The following EMC3 variants were observed in gnomAD, a reference collection of about 807,000 sequenced individuals.
EMC3 encodes the protein ER membrane protein complex subunit 3.
A neutral mutation model predicts 36.6 loss-of-function variants in EMC3; 13 were observed. That is an observed-to-expected ratio of 0.35 (90% CI 0.23 to 0.56). The LOEUF is 0.56. Ranked by LOEUF, EMC3 falls within the 20% of genes least tolerant of loss-of-function variation. EMC3 has a pLI of 0.84. For synonymous variants in EMC3, 120 were observed against 111.9 expected (o/e 1.07, Z -0.46); for missense variants, 220 against 324.5 (o/e 0.68, Z 2.47).
chr3:10,002,576 G>A (rs934410234), intron 1 of EMC3: 14 of 351,790 alleles, frequency 4.0e-5, no homozygotes, highest in Non-Finnish European at 7.3e-5. Context: ...ATGAGCCACC[G>A]CGCCAAGCCT....
At chr3:9,986,937 C>T (rs924546258), upstream of EMC3, 52 of 1,223,552 alleles carry the variant, frequency 4.2e-5, no homozygotes, top group Non-Finnish European at 4.8e-5. Flanking sequence ...GGCGGTGGCC[C>T]AGGCTCGGTG....
rs61596273 is a variant in EMC3, at chr3:9,963,477, A to ATATTTTTTT, written c.*591_*592insAAAAAAATA. On this transcript the variant is annotated 3_prime_UTR_variant, in exon 8 of 8. Coordinates refer to ENST00000245046, the MANE Select transcript of EMC3 (RefSeq NM_001394674.1). ...TAGATATATATATATATATATATAT[A>ATATTTTTTT]TTTTTTTTTTTTTTTCAGATGGAGT... The ATATTTTTTT allele has an allele frequency of 1.1e-5, 1 of 88,924 alleles. No individual in the cohort carries two copies. The highest frequency in any genetic ancestry group is 2.2e-5 in the Non-Finnish European group (1 of 46,270). 5.5% of individuals were successfully genotyped at this position (88,924 alleles called of 1,614,324 possible). A position where few individuals can be genotyped will look rare whatever the true frequency, so the allele number is the denominator to read the frequency against.
At chr3:9,983,185 T>C (rs1214801667) in intron 1 of EMC3, among the ~76,000 whole-genome samples, 2 of 151,646 alleles carry the variant, frequency 1.3e-5, no homozygotes, top group Non-Finnish European at 2.9e-5. Flanking sequence ...CCTCCTTCTG[T>C]GGCCCAGGCT....
Position 9,998,366 on chromosome 3 carries a change from A to T in EMC3, c.-241-11464T>A, listed in dbSNP as rs530381233. ...GGGCAACAGAGCGAGACTCTGTCTC[A>T]AATAATAATAATAATAATAATAATA... On this transcript the variant is annotated intron_variant, in intron 1 of 8. Coordinates refer to the EMC3 transcript ENST00000470827. Among the ~76,000 whole-genome samples the T allele has an allele frequency of 5.8e-5, 8 of 137,386 alleles. No individual in the cohort carries two copies. In the South Asian group the frequency reaches 9.6e-4, roughly 17 times the overall value. The allele number at this position is 137,386 out of a possible 152,430, so 90.1% of individuals were successfully genotyped here.
chr3:9,979,472 A>T (rs547222935), intron 1 of EMC3, among the ~76,000 whole-genome samples: 1 of 152,232 alleles, frequency 6.6e-6, no homozygotes, highest in Non-Finnish European at 1.5e-5. Flanking sequence ...TCTGCCACTT[A>T]TTAGCCATGT....
At chr3:9,967,453 C>T (rs183980105) in intron 7 of EMC3, among the ~76,000 whole-genome samples, 61 of 90,420 alleles carry the variant, frequency 6.7e-4, no homozygotes, top group Admixed American at 1.8e-3. Flanking sequence ...CAGCACCATT[C>T]GTTGAATGGA....
intron 1 of EMC3, chr3:10,002,907 C>T (rs1297344515): frequency 2.2e-6 from 1 of 451,386 alleles, no homozygotes; most frequent in African/African-American, 2.0e-5. Flanking sequence ...TCCCCTCCAC[C>T]CAGAGCACCT....
At chr3:9,972,933 A>G (rs1281944263) in intron 5 of EMC3, among the ~76,000 whole-genome samples, 2 of 146,504 alleles carry the variant, frequency 1.4e-5, no homozygotes, top group East Asian at 4.1e-4. Flanking sequence ...GGTTCATGCC[A>G]TTCTCCTGCC....
chr3:9,990,084 G>A (rs1215501893), upstream of EMC3, among the ~76,000 whole-genome samples: 1 of 151,264 alleles, frequency 6.6e-6, no homozygotes, highest in East Asian at 1.9e-4. Context: ...GCAGGCAGTG[G>A]CGCAATCTCA....
chr3:10,009,351 C>T (rs1266346098), intron 1 of EMC3, among the ~76,000 whole-genome samples: 2 of 152,194 alleles, frequency 1.3e-5, no homozygotes, highest in Non-Finnish European at 2.9e-5. Flanking sequence ...TGATGAAAAT[C>T]TAGAAACAGG....
intron 1 of EMC3, chr3:10,007,387 CAG>C: frequency 7.3e-7 from 1 of 1,366,638 alleles, no homozygotes; most frequent in African/African-American, 1.5e-5. Flanking sequence ...CCCTGGGAAC[CAG>C]ACTGTGCTGG....
At chr3:9,991,019 G>A (rs1441391235), upstream of EMC3, among the ~76,000 whole-genome samples, 16 of 151,666 alleles carry the variant, frequency 1.1e-4, no homozygotes, top group Non-Finnish European at 2.1e-4. Flanking sequence ...TAGTAGAGAC[G>A]GGGTTTCACC....
At chr3:9,993,758 A>T (rs2086084872) in intron 1 of EMC3, among the ~76,000 whole-genome samples, 1 of 152,192 alleles carries the variant, frequency 6.6e-6, no homozygotes, top group Non-Finnish European at 1.5e-5. Flanking sequence ...ATATTGCATT[A>T]TTGATAGAGC....
intron 1 of EMC3, among the ~76,000 whole-genome samples, chr3:10,000,334 C>A (rs1318375964): frequency 6.6e-6 from 1 of 152,164 alleles, no homozygotes; most frequent in Non-Finnish European, 1.5e-5. Context: ...GCTACTGCGC[C>A]CGGCCTCTAT....
upstream of EMC3, among the ~76,000 whole-genome samples, chr3:9,991,674 C>G (rs2086054069): frequency 6.6e-6 from 1 of 152,116 alleles, no homozygotes; most frequent in Non-Finnish European, 1.5e-5. Flanking sequence ...GCCTTCATGC[C>G]CAGCCTGATT....
intron 1 of EMC3, chr3:9,978,131 C>T (rs1238115901): frequency 1.0e-5 from 1 of 100,044 alleles, no homozygotes; most frequent in Non-Finnish European, 1.9e-5. Flanking sequence ...GGCAACATAG[C>T]AAGACCCTGT....
intron 1 of EMC3, among the ~76,000 whole-genome samples, chr3:9,998,207 A>T (rs573935086): frequency 1.8e-4 from 28 of 151,738 alleles, no homozygotes; most frequent in Admixed American, 1.8e-3. Flanking sequence ...TCTACTAAAA[A>T]TACAAAAAAT....
At chr3:9,996,042 G>A (rs571067969) in intron 1 of EMC3, among the ~76,000 whole-genome samples, 46 of 152,254 alleles carry the variant, frequency 3.0e-4, no homozygotes, top group African/African-American at 8.7e-4. Flanking sequence ...TGGGTCTGTG[G>A]TCAGCTAACC....
intron 1 of EMC3, among the ~76,000 whole-genome samples, chr3:9,994,791 C>T (rs190208133): frequency 2.0e-5 from 3 of 152,092 alleles, no homozygotes; most frequent in Admixed American, 6.5e-5. Flanking sequence ...ATCCTGGTCT[C>T]GAACTCCTGA....
Sources: gnomAD v4.1 joint callset for allele counts (sites outside exome capture counted in the v4.1 genomes callset) on GRCh38, gnomAD v4.1.1 for gene constraint, MANE v1.5 for transcripts, NCBI Gene and HGNC (gene_info 2026-07-23, HGNC 2026-07-21) for gene names.